COL24A1: variants seen among roughly 807,000 people sequenced by gnomAD.
The protein encoded by COL24A1 is collagen alpha-1(XXIV) chain.
COL24A1 carries 224 observed loss-of-function variants against 253.9 expected under a neutral mutation model. The observed-to-expected ratio is 0.88, with a 90% CI of 0.79 to 0.99. The LOEUF (loss-of-function observed/expected upper bound fraction) is 0.99, where lower values mean the gene tolerates loss of function less well. Among genes scored for constraint, COL24A1 ranks in the 50% least tolerant of loss-of-function variants. The pLI is 0.00. For missense variants in COL24A1, 2,131 were observed against 2,068.5 expected, an observed-to-expected ratio of 1.03 and a Z score of -0.59; for synonymous variants, 685 against 673.7, an observed-to-expected ratio of 1.02 and a Z score of -0.26.
intron 47 of COL24A1, among the ~76,000 whole-genome samples, chr1:85,786,679 T>C (rs1484924278): frequency 6.6e-6 from 1 of 152,202 alleles, no homozygotes; most frequent in Non-Finnish European, 1.5e-5. Flanking sequence ...GCAATGATCT[T>C]GGGTTTTTAA....
At chr1:86,022,461 G>C (rs1697633644) in intron 17 of COL24A1, 77 bp downstream of exon 17, 1 of 1,374,244 alleles carries the variant, frequency 7.3e-7, no homozygotes. Context: ...ACAATACATG[G>C]ATAAAATAAT....
At position 85,923,708 on chromosome 1, in the gene COL24A1, A is replaced by G. The variant is rs191577135; in HGVS notation, c.2563-12275T>C. Among the ~76,000 whole-genome samples the G allele has an allele frequency of 2.6e-3, 398 of 152,348 alleles. 1 individual carries two copies. Among genetic ancestry groups the G allele is most frequent in the African/African-American group, 8.0e-3 (332 of 41,580 alleles). On this transcript the variant is annotated intron_variant, in intron 24 of 59. Coordinates refer to ENST00000370571, the MANE Select transcript of COL24A1 (RefSeq NM_152890.7). ...AAATTTAGAGCACTAAATGCCCACA[A>G]GAGAAAGCAGGAAAGATCTAAAATT...
In COL24A1 at chr1:85,997,968, A is replaced by G. The variant is rs563039758; in HGVS notation, c.2311-10314T>C. ...ATGTAGCCAACAGAGAAATGCCAGG[A>G]TAAGATTTACAGAGTGTCTTGGTTA... On this transcript the variant is annotated intron_variant, in intron 19 of 59. Coordinates refer to ENST00000370571, the MANE Select transcript of COL24A1 (RefSeq NM_152890.7). Among the ~76,000 whole-genome samples the G allele has an allele frequency of 2.6e-5, 4 of 152,266 alleles. No individual in the cohort carries two copies. The South Asian group carries it at 8.3e-4, about 32-fold the overall frequency.
chr1:86,060,600 C>T (rs1447400199), intron 8 of COL24A1, among the ~76,000 whole-genome samples: 1 of 152,048 alleles, frequency 6.6e-6, no homozygotes, highest in African/African-American at 2.4e-5. Context: ...TTTTCCCTCT[C>T]ATTTCTATCT....
At chr1:85,875,766 C>CAT (rs1681090730) in intron 33 of COL24A1, among the ~76,000 whole-genome samples, 1 of 136,912 alleles carries the variant, frequency 7.3e-6, no homozygotes, top group African/African-American at 2.7e-5. Context: ...CACACACACA[C>CAT]AGAGCTTCTT....
chr1:85,823,056 C>T (rs1270209311), intron 45 of COL24A1, among the ~76,000 whole-genome samples: 1 of 152,172 alleles, frequency 6.6e-6, no homozygotes, highest in Non-Finnish European at 1.5e-5. Context: ...ATCTCTCTTC[C>T]CCATTGCAAA....
chr1:85,921,510 A>T (rs1187137017), intron 24 of COL24A1, among the ~76,000 whole-genome samples: 2 of 152,208 alleles, frequency 1.3e-5, no homozygotes, highest in African/African-American at 4.8e-5. Flanking sequence ...TGCAGCCTCC[A>T]CTGGTGATAC....
chr1:85,761,751 G>A (rs1666871471), intron 53 of COL24A1, among the ~76,000 whole-genome samples, 185 bp from the exon 54 acceptor site: 1 of 152,064 alleles, frequency 6.6e-6, no homozygotes, highest in Non-Finnish European at 1.5e-5. Context: ...TCATAAACAA[G>A]CTGGATATTT....
At chr1:86,127,405 GA>G (rs1477110318) in intron 2 of COL24A1, among the ~76,000 whole-genome samples, 1 of 151,872 alleles carries the variant, frequency 6.6e-6, no homozygotes, top group Non-Finnish European at 1.5e-5. Context: ...TTCATTATTG[GA>G]TCTCTTCAGC....
At chr1:85,891,541 G>A (rs1348008959) in intron 31 of COL24A1, among the ~76,000 whole-genome samples, 1 of 152,150 alleles carries the variant, frequency 6.6e-6, no homozygotes, top group Non-Finnish European at 1.5e-5. Context: ...TTAATGCTAT[G>A]TTCAGTTTTT....
intron 32 of COL24A1, among the ~76,000 whole-genome samples, chr1:85,887,112 A>G (rs1344845131): frequency 6.6e-6 from 1 of 152,186 alleles, no homozygotes; most frequent in Non-Finnish European, 1.5e-5. Flanking sequence ...AGAAAATAAT[A>G]TTTTAAAATT....
intron 20 of COL24A1, among the ~76,000 whole-genome samples, chr1:85,976,329 G>T (rs560441619): frequency 6.6e-6 from 1 of 152,070 alleles, no homozygotes; most frequent in Admixed American, 6.6e-5. Context: ...GGGCAAAACC[G>T]ACCTCTACAT....
intron 57 of COL24A1, among the ~76,000 whole-genome samples, chr1:85,742,399 T>G (rs111436220): frequency 7.9e-5 from 12 of 152,266 alleles, no homozygotes; most frequent in Admixed American, 4.6e-4. Flanking sequence ...CCCAAAGTGC[T>G]GGGATTACAG....
At chr1:86,141,892 T>C (rs1651145580) in intron 2 of COL24A1, among the ~76,000 whole-genome samples, 7 of 151,924 alleles carry the variant, frequency 4.6e-5, no homozygotes. Context: ...CCAGTAGAGA[T>C]GGGGTTTCAC....
rs2390051 is a variant in COL24A1 at position 86,015,887 on chromosome 1, T to C, written c.2310+1264A>G. On this transcript the variant is annotated intron_variant, in intron 19 of 59. Coordinates refer to ENST00000370571, the MANE Select transcript of COL24A1 (RefSeq NM_152890.7). ...GTTTTGAAGACTCTACTTTTTCTTT[T>C]TTTTTTTTTTTTTTGGAGACGGGGT... is the stretch of plus-strand genomic sequence containing the variant. Among the ~76,000 whole-genome samples the C allele has an allele frequency of 3.1e-3, 270 of 86,574 alleles. 1 individual carries two copies. The highest frequency in any genetic ancestry group is 7.5e-3 in the African/African-American group (148 of 19,694). The allele number at this position is 86,574 out of a possible 152,430, so 56.8% of individuals were successfully genotyped here. A position where few individuals can be genotyped will look rare whatever the true frequency, so the allele number is the denominator to read the frequency against.
Position 86,151,977 on chromosome 1 carries a change from C to T in COL24A1, c.56+4364G>A, listed in dbSNP as rs550356270. Among the ~76,000 whole-genome samples the T allele has an allele frequency of 4.6e-5, 7 of 152,314 alleles. No homozygotes were observed. The South Asian group carries it at 6.2e-4, about 14-fold the overall frequency. On this transcript the variant is annotated intron_variant, in intron 1 of 59. Coordinates refer to ENST00000370571, the MANE Select transcript of COL24A1 (RefSeq NM_152890.7). ...AATTTCAACAATTTCCACCACGCTA[C>T]GTTTACATGCCAAAAACTTCTCTAA...
chr1:85,881,582 G>T (rs959149923), intron 32 of COL24A1, among the ~76,000 whole-genome samples: 3 of 152,044 alleles, frequency 2.0e-5, no homozygotes, highest in Admixed American at 2.0e-4. Context: ...CTGAGATCAC[G>T]CCACTGCATT....
intron 47 of COL24A1, among the ~76,000 whole-genome samples, chr1:85,800,907 G>T (rs1442430452): frequency 6.6e-6 from 1 of 152,048 alleles, no homozygotes; most frequent in Non-Finnish European, 1.5e-5. Flanking sequence ...CTCAAAAAGA[G>T]GGATTTTTAA....
intron 52 of COL24A1, among the ~76,000 whole-genome samples, chr1:85,779,558 A>C (rs1299422932): frequency 6.6e-6 from 1 of 152,142 alleles, no homozygotes; most frequent in Admixed American, 6.6e-5. Context: ...CGCCAAATTA[A>C]CCAAATCTGA....
Sources: gnomAD v4.1 joint callset for allele counts (sites outside exome capture counted in the v4.1 genomes callset) on GRCh38, gnomAD v4.1.1 for gene constraint, MANE v1.5 for transcripts, NCBI Gene and HGNC (gene_info 2026-07-23, HGNC 2026-07-21) for gene names.